The following PTPRK variants were observed in gnomAD, a reference collection of about 807,000 sequenced individuals.
The protein encoded by PTPRK is protein tyrosine phosphatase receptor type K, also known as receptor-type tyrosine-protein phosphatase kappa.
PTPRK carries 75 observed loss-of-function variants against 178.0 expected under a neutral mutation model. The observed-to-expected ratio is 0.42, with a 90% CI of 0.35 to 0.51. The LOEUF is 0.51. Among genes scored for constraint, PTPRK ranks in the 20% least tolerant of loss-of-function variants. PTPRK has a pLI of 0.02. For synonymous variants in PTPRK, 637 were observed against 620.6 expected, an observed-to-expected ratio of 1.03 and a Z score of -0.39; for missense variants, 1,441 against 1,797.8, an observed-to-expected ratio of 0.80 and a Z score of 3.59.
intron 7 of PTPRK, among the ~76,000 whole-genome samples, chr6:128,175,230 T>A (rs539456944): frequency 6.6e-6 from 1 of 152,022 alleles, no homozygotes; most frequent in South Asian, 2.1e-4. Flanking sequence ...ATGCCCAGAA[T>A]GATGATTAAT....
chr6:128,013,259 G>T (rs1779241072), intron 13 of PTPRK, among the ~76,000 whole-genome samples: 1 of 151,252 alleles, frequency 6.6e-6, no homozygotes, highest in Non-Finnish European at 1.5e-5. Flanking sequence ...GCCCCTTTGA[G>T]TTCCTCAGGG....
At chr6:128,434,216 G>A (rs547733234) in intron 1 of PTPRK, among the ~76,000 whole-genome samples, 9 of 152,190 alleles carry the variant, frequency 5.9e-5, no homozygotes, top group Admixed American at 1.3e-4. Context: ...CAACCTCTCC[G>A]ATGAGGCAGG....
intron 2 of PTPRK, among the ~76,000 whole-genome samples, chr6:128,349,985 G>A (rs1584297450): frequency 6.6e-6 from 1 of 152,222 alleles, no homozygotes; most frequent in African/African-American, 2.4e-5. Context: ...GTCCCGGGAA[G>A]AATAGCACAT....
intron 2 of PTPRK, among the ~76,000 whole-genome samples, chr6:128,334,841 CGGA>C (rs1830703868): frequency 6.6e-6 from 1 of 152,046 alleles, no homozygotes; most frequent in Non-Finnish European, 1.5e-5. Context: ...CTGTAATCCC[CGGA>C]CTTTGGGGGC....
At chr6:128,141,777 G>A (rs1795806226) in intron 7 of PTPRK, among the ~76,000 whole-genome samples, 2 of 151,760 alleles carry the variant, frequency 1.3e-5, no homozygotes, top group African/African-American at 4.8e-5. Context: ...TTGGGCTTGG[G>A]TTTCTCAAAC....
At chr6:128,351,079 A>G (rs1176462206) in intron 2 of PTPRK, among the ~76,000 whole-genome samples, 1 of 152,210 alleles carries the variant, frequency 6.6e-6, no homozygotes, top group Non-Finnish European at 1.5e-5. Context: ...GAGTCTACAG[A>G]TGAAACATGA....
chr6:128,139,953 G>A (rs1795543182), intron 7 of PTPRK, among the ~76,000 whole-genome samples: 1 of 151,838 alleles, frequency 6.6e-6, no homozygotes, highest in Non-Finnish European at 1.5e-5. Flanking sequence ...CAGAAAGCAG[G>A]GTGCCAACAA....
In PTPRK at chr6:128,519,113, C is replaced by T. The variant is rs1858559570; in HGVS notation, c.100+1146G>A. On this transcript the variant is annotated intron_variant, in intron 1 of 29. Transcript: ENST00000368226. This position sits in a 1 kb window ranked among gnomAD's most constrained non-coding sequence, Gnocchi z 4.3. ...TCTCCATCTGCACCGCGAACCCCAG[C>T]AGCAGATGCGCTCGCCAGCCAAGCG... The T allele has an allele frequency of 1.9e-6, 1 of 529,478 alleles. No homozygotes were observed. Among genetic ancestry groups the T allele is most frequent in the Non-Finnish European group, 3.9e-6 (1 of 258,374 alleles). The allele number at this position is 529,478 out of a possible 1,614,324, so 32.8% of individuals were successfully genotyped here.
intron 7 of PTPRK, among the ~76,000 whole-genome samples, chr6:128,153,346 C>T (rs748516723): frequency 2.6e-5 from 4 of 151,536 alleles, no homozygotes; most frequent in Non-Finnish European, 4.4e-5. Flanking sequence ...GTGCTGCAGC[C>T]GCTGGGACAT....
At chr6:128,077,329 T>C (rs1352380131) in intron 11 of PTPRK, among the ~76,000 whole-genome samples, 1 of 152,026 alleles carries the variant, frequency 6.6e-6, no homozygotes, top group African/African-American at 2.4e-5. Flanking sequence ...CTTTGAATTT[T>C]CAAGTAGCCA....
intron 6 of PTPRK, among the ~76,000 whole-genome samples, chr6:128,203,999 G>A (rs1441252103): frequency 6.6e-6 from 1 of 152,110 alleles, no homozygotes. Context: ...AAAGCTGGAG[G>A]CATCATACTA....
intron 3 of PTPRK, among the ~76,000 whole-genome samples, chr6:128,299,533 A>C (rs1231975004): frequency 6.6e-6 from 1 of 151,214 alleles, no homozygotes; most frequent in Non-Finnish European, 1.5e-5. Flanking sequence ...GATATAGATC[A>C]ATGGAACAGA....
At chr6:128,091,619 C>T (rs1469074650) in intron 7 of PTPRK, among the ~76,000 whole-genome samples, 1 of 152,132 alleles carries the variant, frequency 6.6e-6, no homozygotes, top group Non-Finnish European at 1.5e-5. Flanking sequence ...CATGAAAATA[C>T]CTAGAGTATA....
intron 2 of PTPRK, among the ~76,000 whole-genome samples, chr6:128,359,477 C>T (rs1033705487): frequency 1.4e-5 from 2 of 147,082 alleles, no homozygotes; most frequent in African/African-American, 5.0e-5. Flanking sequence ...CAGGGACAGA[C>T]GCAGTGGCTC....
At chr6:127,999,973 A>G (rs1777612086) in intron 15 of PTPRK, 1 of 923,906 alleles carries the variant, frequency 1.1e-6, no homozygotes, top group Non-Finnish European at 1.3e-6. Flanking sequence ...GAAGAAAAGA[A>G]CAAGAACATT....
At chr6:128,106,989 C>A (rs538054180) in intron 7 of PTPRK, among the ~76,000 whole-genome samples, 1 of 151,994 alleles carries the variant, frequency 6.6e-6, no homozygotes, top group Admixed American at 6.6e-5. Context: ...ATAAATTCTT[C>A]AAAACTGGGT....
At chr6:128,172,932 C>T (rs1440863879) in intron 7 of PTPRK, among the ~76,000 whole-genome samples, 3 of 151,910 alleles carry the variant, frequency 2.0e-5, no homozygotes, top group African/African-American at 7.2e-5. Flanking sequence ...CTTCTCCTGT[C>T]ATCCTGTGGA....
chr6:128,344,360 A>T (rs1043129749), intron 2 of PTPRK, among the ~76,000 whole-genome samples: 8 of 152,214 alleles, frequency 5.3e-5, no homozygotes, highest in Non-Finnish European at 8.8e-5. Context: ...CTCAAGTTAC[A>T]TCAGGATTCT....
intron 1 of PTPRK, among the ~76,000 whole-genome samples, chr6:128,518,030 C>T (rs145982685): frequency 7.9e-5 from 12 of 151,720 alleles, no homozygotes; most frequent in Admixed American, 1.3e-4. Context: ...TTTATGGTAG[C>T]CAGAAAAAAA....
Sources: allele counts gnomAD v4.1 joint callset (sites outside exome capture counted in the v4.1 genomes callset), GRCh38; gene constraint gnomAD v4.1.1; non-coding constraint Gnocchi (gnomAD v3.1); transcripts MANE v1.5; gene names NCBI Gene and HGNC (gene_info 2026-07-23, HGNC 2026-07-21).